Variants in FHOD3 observed in about 807,000 individuals in gnomAD.
The protein encoded by FHOD3 is FH1/FH2 domain-containing protein 3.
FHOD3 carries 90 observed loss-of-function variants against 173.0 expected under a neutral mutation model. That is an observed-to-expected ratio of 0.52 (90% CI 0.44 to 0.62). FHOD3 has a LOEUF of 0.62. Ranked by LOEUF, FHOD3 falls within the 20% of genes least tolerant of loss-of-function variation. FHOD3 has a pLI of 0.00. For missense variants in FHOD3, 1,945 were observed against 2,034.7 expected (o/e 0.96, Z 0.85); for synonymous variants, 828 against 823.0 (o/e 1.01, Z -0.10).
At chr18:36,366,185 A>C (rs751773935) in intron 2 of FHOD3, among the ~76,000 whole-genome samples, 3 of 152,198 alleles carry the variant, frequency 2.0e-5, no homozygotes, top group Non-Finnish European at 2.9e-5. Context: ...AAAAAGCATC[A>C]AATAGTAACA....
intron 3 of FHOD3, among the ~76,000 whole-genome samples, chr18:36,446,814 T>TGAGTTATTG (rs2051511141): frequency 6.6e-6 from 1 of 152,156 alleles, no homozygotes; most frequent in African/African-American, 2.4e-5. Flanking sequence ...TCCAGTAGAA[T>TGAGTTATTG]GAGTTATTGA....
intron 1 of FHOD3, among the ~76,000 whole-genome samples, chr18:36,300,914 T>A (rs182409863): frequency 7.7e-4 from 117 of 152,170 alleles, no homozygotes; most frequent in East Asian, 1.5e-3. Context: ...CTAATTTTTT[T>A]ATTTTTTGTA....
intron 13 of FHOD3, among the ~76,000 whole-genome samples, chr18:36,654,921 GC>G (rs1568557610): frequency 6.6e-6 from 1 of 152,136 alleles, no homozygotes; most frequent in Non-Finnish European, 1.5e-5. Context: ...GACCCTAGGA[GC>G]AGCATGGGAA....
intron 10 of FHOD3, among the ~76,000 whole-genome samples, chr18:36,631,184 G>T (rs1448607490): frequency 6.6e-6 from 1 of 152,160 alleles, no homozygotes; most frequent in Admixed American, 6.5e-5. Flanking sequence ...AGCTCAGCCT[G>T]CACCTGGCAG....
At chr18:36,567,013 G>A (rs1327572168) in intron 5 of FHOD3, among the ~76,000 whole-genome samples, 1 of 152,196 alleles carries the variant, frequency 6.6e-6, no homozygotes, top group Non-Finnish European at 1.5e-5. Context: ...ACTTTCTAGT[G>A]GTATTTGAAA....
intron 1 of FHOD3, among the ~76,000 whole-genome samples, chr18:36,338,922 G>C (rs193265244): frequency 1.3e-5 from 2 of 152,122 alleles, no homozygotes; most frequent in Non-Finnish European, 2.9e-5. Context: ...GTAGGAAGGA[G>C]AGCCGGGCAC....
At chr18:36,372,588 T>C (rs1050734711) in intron 2 of FHOD3, 92 bp from the exon 3 acceptor site, 19 of 970,890 alleles carry the variant, frequency 2.0e-5, no homozygotes, top group Non-Finnish European at 2.7e-5. Context: ...CCCACTTAAG[T>C]GGGTATGTCA....
intron 26 of FHOD3, among the ~76,000 whole-genome samples, chr18:36,760,351 G>A (rs2042816534): frequency 6.6e-6 from 1 of 152,230 alleles, no homozygotes; most frequent in Admixed American, 6.5e-5. Context: ...GGGGATCTGA[G>A]TGAGTGACAG....
intron 3 of FHOD3, among the ~76,000 whole-genome samples, chr18:36,482,446 C>T (rs983030576): frequency 8.6e-6 from 1 of 116,596 alleles, no homozygotes; most frequent in Middle Eastern, 4.2e-3. Flanking sequence ...GTGACCACTG[C>T]GTGACCCCCC....
At chr18:36,526,465 GC>G (rs1360352928) in intron 5 of FHOD3, among the ~76,000 whole-genome samples, 1 of 150,258 alleles carries the variant, frequency 6.7e-6, no homozygotes, top group Non-Finnish European at 1.5e-5. Context: ...TTGCTCTGTT[GC>G]CCCAACTGGA....
At chr18:36,666,026 A>G (rs1364145404) in intron 14 of FHOD3, among the ~76,000 whole-genome samples, 1 of 152,232 alleles carries the variant, frequency 6.6e-6, no homozygotes, top group African/African-American at 2.4e-5. Flanking sequence ...CAGGGCCTAC[A>G]AAGGGGCCAG....
At chr18:36,559,228 GC>G (rs532257621) in intron 5 of FHOD3, among the ~76,000 whole-genome samples, 3 of 152,172 alleles carry the variant, frequency 2.0e-5, no homozygotes, top group Non-Finnish European at 4.4e-5. Flanking sequence ...AAACTGTCCA[GC>G]GTTTGATCAC....
At position 36,723,939 on chromosome 18, in the gene FHOD3, C is replaced by T. The variant is rs1325349759; in HGVS notation, c.3417+5224C>T. On this transcript the variant is annotated intron_variant, in intron 19 of 28. Coordinates refer to ENST00000590592, the MANE Select transcript of FHOD3 (RefSeq NM_001281740.3). ...CCTAACTGCAACCTGAATCCTCACT[C>T]TTCTTTTTCCAAAACGGAATGTCTC... 2.0e-5 allele frequency among the ~76,000 whole-genome samples: 3 copies of T among 152,244 alleles called. No homozygotes were observed. In the East Asian group the frequency reaches 5.8e-4, roughly 29 times the overall value.
chr18:36,395,164 C>CT (rs2048491455), intron 3 of FHOD3, among the ~76,000 whole-genome samples: 1 of 144,330 alleles, frequency 6.9e-6, no homozygotes, highest in Non-Finnish European at 1.5e-5. Flanking sequence ...TTTTTTTTTT[C>CT]TTTTTTTGTG....
intron 4 of FHOD3, among the ~76,000 whole-genome samples, chr18:36,507,986 G>C (rs138098768): frequency 3.9e-5 from 6 of 152,252 alleles, no homozygotes; most frequent in African/African-American, 1.4e-4. Context: ...GCTATTCCAA[G>C]TGACTTAAAA....
intron 10 of FHOD3, among the ~76,000 whole-genome samples, chr18:36,640,349 G>A (rs1171349976): frequency 6.6e-6 from 1 of 152,186 alleles, no homozygotes; most frequent in East Asian, 1.9e-4. Context: ...ACTGATTCAA[G>A]TTGGCCAGAT....
chr18:36,590,796 C>G (rs2059190222), intron 6 of FHOD3, among the ~76,000 whole-genome samples: 1 of 152,126 alleles, frequency 6.6e-6, no homozygotes, highest in Non-Finnish European at 1.5e-5. Flanking sequence ...AAAAAGGAGG[C>G]TTTGCTAGAA....
At chr18:36,474,996 C>T (rs950606399) in intron 3 of FHOD3, among the ~76,000 whole-genome samples, 1 of 68,792 alleles carries the variant, frequency 1.5e-5, no homozygotes, top group African/African-American at 8.6e-5. Context: ...TACACACACA[C>T]ACACACACAC....
At chr18:36,345,667 T>C (rs2045845308) in intron 1 of FHOD3, among the ~76,000 whole-genome samples, 1 of 152,032 alleles carries the variant, frequency 6.6e-6, no homozygotes, top group Admixed American at 6.5e-5. Flanking sequence ...ATGCACATAA[T>C]TGAAAAGAAG....
Sources: gnomAD v4.1 joint callset for allele counts (sites outside exome capture counted in the v4.1 genomes callset) on GRCh38, gnomAD v4.1.1 for gene constraint, MANE v1.5 for transcripts, NCBI Gene and HGNC (gene_info 2026-07-23, HGNC 2026-07-21) for gene names.